Variants in DNAH1 observed in about 807,000 individuals in gnomAD.
DNAH1 encodes dynein axonemal heavy chain 1.
In DNAH1, 327 loss-of-function variants were observed where a neutral mutation model predicts 484.3. That is an observed-to-expected ratio of 0.68 (90% CI 0.62 to 0.74). The LOEUF is 0.74. Among genes scored for constraint, DNAH1 ranks in the 30% least tolerant of loss-of-function variants. DNAH1 has a pLI of 0.00. For missense variants in DNAH1, 5,052 were observed against 5,546.8 expected (o/e 0.91, Z 2.83); for synonymous variants, 2,192 against 2,191.9 (o/e 1.00, Z 0.00).
At chr3:52,351,941 C>G (rs878877463) in intron 16 of DNAH1, 21 bp from the exon 17 acceptor site, 1 of 1,594,148 alleles carries the variant, frequency 6.3e-7, no homozygotes, top group African/African-American at 1.3e-5. Context: ...TTCTCCCAAT[C>G]CCCACCCCCA....
chr3:52,365,544 T>TG, intron 34 of DNAH1, among the ~76,000 whole-genome samples: 1 of 152,282 alleles, frequency 6.6e-6, no homozygotes, highest in East Asian at 1.9e-4. Flanking sequence ...CTGGGAGGGC[T>TG]GGGGGGACAC....
chr3:52,328,532 C>T (rs1196960580), intron 6 of DNAH1, among the ~76,000 whole-genome samples: 1 of 152,270 alleles, frequency 6.6e-6, no homozygotes, highest in African/African-American at 2.4e-5. Context: ...CACAGAAACA[C>T]ACTCTCCTAT....
Position 52,396,356 on chromosome 3 carries a change from C to T in DNAH1, c.11260-12C>T. On this transcript the variant is annotated splice_polypyrimidine_tract_variant and intron_variant, in intron 70 of 77. Coordinates refer to ENST00000420323, the MANE Select transcript of DNAH1 (RefSeq NM_015512.5). The stretch of plus-strand genomic sequence containing the variant: ...ATGGGTCTCAATGCTCACGTGGAGC[C>T]ATGGCCACCAGGTACACAGGGACTT... The T allele has an allele frequency of 1.3e-6, 2 of 1,564,996 alleles. No individual in the cohort carries two copies. The highest frequency in any genetic ancestry group is 1.7e-6 in the Non-Finnish European group (2 of 1,155,620).
intron 26 of DNAH1, 40 bp downstream of exon 26, chr3:52,359,426 C>T (rs2306864): frequency 2.6e-6 from 4 of 1,555,798 alleles, no homozygotes; most frequent in East Asian, 2.4e-5. Context: ...CCCTCCACCC[C>T]CTACATGGCA....
rs2153225443 is a variant in DNAH1, at chr3:52,388,411, C to T, written c.9172-7C>T. ...GGCGAGCTAATCCTGCGCCCTCCGC[C>T]CCACAGCAAGCCCTGCTGGAGGCCC... On this transcript the variant is annotated splice_polypyrimidine_tract_variant and splice_region_variant and intron_variant, in intron 57 of 77. Coordinates refer to ENST00000420323, the MANE Select transcript of DNAH1 (RefSeq NM_015512.5). 2 of 1,609,366 alleles carry T rather than the reference C, an allele frequency of 1.2e-6. No individual in the cohort carries two copies. The highest frequency in any genetic ancestry group is 2.7e-5 in the African/African-American group (2 of 75,000).
rs1288543628 is a variant in DNAH1 at position 52,326,751 on chromosome 3, C to A, written c.598C>A (p.Leu200Met). Residue 200 changes from leucine (L) to methionine (M), a missense_variant, in exon 5 of 78, where the codon CTG becomes ATG. Transcript: ENST00000420323. ...CTTGACCAGGAGGAAACAGCAGTAC[C>A]TGAGCCTGGACATTGAGCAGTTGCT... ...IEIERRKQQY[L>M]SLDIEQLLFS... The A allele has an allele frequency of 1.2e-6, 2 of 1,613,350 alleles. No homozygotes were observed. The highest frequency in any genetic ancestry group is 1.7e-6 in the Non-Finnish European group (2 of 1,179,564).
chr3:52,380,191 C>T (rs985973930), intron 48 of DNAH1, 56 bp downstream of exon 48: 2 of 1,476,664 alleles, frequency 1.4e-6, no homozygotes, highest in Non-Finnish European at 1.8e-6. Context: ...AATCTGCCTC[C>T]CTGGGGCCCA....
Position 52,379,807 on chromosome 3 carries a change from C to T in DNAH1, c.7378-98C>T. The T allele has an allele frequency of 9.4e-7, 1 of 1,067,490 alleles. No homozygotes were observed. The highest frequency in any genetic ancestry group is 1.3e-6 in the Non-Finnish European group (1 of 750,000). The allele number at this position is 1,067,490 out of a possible 1,614,324, so 66.1% of individuals were successfully genotyped here. A position where few individuals can be genotyped will look rare whatever the true frequency, so the allele number is the denominator to read the frequency against. On this transcript the variant is annotated intron_variant, in intron 47 of 77. Coordinates refer to ENST00000420323, the MANE Select transcript of DNAH1 (RefSeq NM_015512.5). The surrounding 1 kb of genome is among the most constrained non-coding windows in gnomAD (Gnocchi z 4.4). ...TGGGAGAGCCAGGCTCCAGTCAGGG[C>T]CCCAGGAACTGGGGCCCACCCTCCC... is the stretch of plus-strand genomic sequence containing the variant.
chr3:52,366,999 C>A, intron 36 of DNAH1, 112 bp downstream of exon 36: 1 of 1,320,308 alleles, frequency 7.6e-7, no homozygotes, highest in Non-Finnish European at 1.0e-6. Context: ...GCTCTGCAGC[C>A]CAACGCTTGG....
chr3:52,384,690 C>T, intron 52 of DNAH1, 96 bp from the exon 53 acceptor site: 1 of 1,300,608 alleles, frequency 7.7e-7, no homozygotes, highest in Non-Finnish European at 1.0e-6. Context: ...CTGCTGTGGC[C>T]CCCTCCTCGG....
intron 44 of DNAH1, chr3:52,374,651 G>A (rs896570056): frequency 6.1e-6 from 9 of 1,466,756 alleles, no homozygotes; most frequent in South Asian, 4.6e-5. Flanking sequence ...ACAATGCAGC[G>A]AAGATTCTGC....
rs1702483838 is a variant in DNAH1 at position 52,353,506 on chromosome 3, T to C, written c.3353T>C (p.Ile1118Thr). The C allele has an allele frequency of 3.1e-6, 5 of 1,613,948 alleles. No individual in the cohort carries two copies. The highest frequency in any genetic ancestry group is 4.2e-6 in the Non-Finnish European group (5 of 1,179,904). Reference sequence around the variant, plus strand: ...CACTGGGAGACACTGTCCAACCAGATCAACATCAATGTCAGGCCCAAGGCC... The same window carrying C: ...CACTGGGAGACACTGTCCAACCAGACCAACATCAATGTCAGGCCCAAGGCC... ...IRHWETLSNQ[I>T]NINVRPKANL... is the part of the protein sequence containing the mutation. Residue 1118 changes from isoleucine to threonine, a missense_variant, in exon 20 of 78, where the codon ATC becomes ACC. This residue lies in a region of DNAH1 where 2,929 missense variants were observed against 3,409.4 expected (regional missense o/e 0.86). Coordinates refer to ENST00000420323, the MANE Select transcript of DNAH1 (RefSeq NM_015512.5). This position sits in a 1 kb window ranked among gnomAD's most constrained non-coding sequence, Gnocchi z 5.0.
intron 8 of DNAH1, among the ~76,000 whole-genome samples, chr3:52,336,418 G>A (rs963223078): frequency 2.6e-5 from 4 of 152,124 alleles, no homozygotes; most frequent in African/African-American, 4.8e-5. Flanking sequence ...GCCAGGCATG[G>A]TGGGGCGCGC....
chr3:52,318,176 TG>T (rs1320532276), intron 1 of DNAH1, among the ~76,000 whole-genome samples: 7 of 152,214 alleles, frequency 4.6e-5, no homozygotes, highest in African/African-American at 1.4e-4. Flanking sequence ...CTCAGCCTCC[TG>T]AATAGCTGGG....
At chr3:52,316,109 A>G (rs540799395), upstream of DNAH1, among the ~76,000 whole-genome samples, 1 of 152,248 alleles carries the variant, frequency 6.6e-6, no homozygotes, top group East Asian at 1.9e-4. Flanking sequence ...CCATCTGTCC[A>G]GCAGCCACAG....
intron 63 of DNAH1, 120 bp from the exon 64 acceptor site, chr3:52,392,344 C>T (rs1704424339): frequency 6.7e-6 from 6 of 896,402 alleles, no homozygotes; most frequent in Middle Eastern, 3.4e-4. Flanking sequence ...TAGGCCAACA[C>T]TGGCAAGGAT....
At chr3:52,398,242 C>T in intron 75 of DNAH1, 80 bp downstream of exon 75, 1 of 1,490,798 alleles carries the variant, frequency 6.7e-7, no homozygotes. Flanking sequence ...TACTATGGGC[C>T]AGGTGCCATG....
intron 5 of DNAH1, among the ~76,000 whole-genome samples, chr3:52,327,216 G>A (rs540052542): frequency 6.6e-6 from 1 of 152,138 alleles, no homozygotes; most frequent in Admixed American, 6.5e-5. Context: ...ACCAGTGCCC[G>A]CCTCAGGGTA....
rs570282112 is a variant in DNAH1 at position 52,372,828 on chromosome 3, G to A, written c.6828-68G>A. ...CTTCCCAGAGGCAAAGCTGCCACCC[G>A]TTCGCCCCTGGATTCTCAGAGGACC... is the stretch of plus-strand genomic sequence containing the variant. On this transcript the variant is annotated intron_variant, in intron 43 of 77. Transcript: ENST00000420323. 382 of 1,540,114 alleles carry A rather than the reference G, an allele frequency of 2.5e-4. 3 individuals carry two copies. The South Asian group carries it at 4.4e-3, about 18-fold the overall frequency.
Sources: allele counts gnomAD v4.1 joint callset (sites outside exome capture counted in the v4.1 genomes callset), GRCh38; gene constraint gnomAD v4.1.1; regional missense constraint gnomAD v4.1.1; non-coding constraint Gnocchi (gnomAD v3.1); transcripts MANE v1.5; gene names NCBI Gene and HGNC (gene_info 2026-07-23, HGNC 2026-07-21).